The following GDAP1 variants were observed in gnomAD, a reference collection of about 807,000 sequenced individuals.
The protein encoded by GDAP1 is ganglioside-induced differentiation-associated protein 1.
Under a neutral mutation model 40.1 loss-of-function variants are expected in GDAP1, and 34 were observed. The observed-to-expected ratio is 0.85, with a 90% CI of 0.64 to 1.13. The LOEUF is 1.13. GDAP1 is among the 50% of genes most tolerant of loss of function. The pLI is 0.00. For missense variants in GDAP1, 374 were observed against 433.7 expected, an observed-to-expected ratio of 0.86 and a Z score of 1.22; for synonymous variants, 170 against 157.4, an observed-to-expected ratio of 1.08 and a Z score of -0.60.
intron 2 of GDAP1, among the ~76,000 whole-genome samples, chr8:74,377,392 A>T (rs951097215): frequency 6.6e-6 from 1 of 152,204 alleles, no homozygotes; most frequent in Admixed American, 6.5e-5. Flanking sequence ...GCTTGAATAG[A>T]TGCTTCACAA....
intron 2 of GDAP1, among the ~76,000 whole-genome samples, chr8:74,468,693 G>C (rs1405302400): frequency 6.6e-6 from 1 of 151,978 alleles, no homozygotes; most frequent in Admixed American, 6.6e-5. Flanking sequence ...GTTTGTAATA[G>C]TTTTCTAGTT....
intron 2 of GDAP1, among the ~76,000 whole-genome samples, chr8:74,425,843 A>G (rs1805940946): frequency 6.6e-6 from 1 of 152,292 alleles, no homozygotes; most frequent in South Asian, 2.1e-4. Flanking sequence ...ACCTTGGTAT[A>G]TATATCCTCC....
rs180693551 is a variant in GDAP1 at position 74,442,901 on chromosome 8, T to A, written c.166-45777T>A. Among the ~76,000 whole-genome samples, 200 of 152,352 alleles carry A rather than the reference T, an allele frequency of 1.3e-3. 1 individual carries two copies. In the Middle Eastern group the frequency reaches 0.014, roughly 10 times the overall value. ...AAATAACAGGCAGTCATAAAAATTC[T>A]AGGATTTCATTCATTCATTCATTCT... On this transcript the variant is annotated intron_variant, in intron 2 of 2. Coordinates refer to the GDAP1 transcript ENST00000523640.
chr8:74,409,874 C>T (rs1377449479), intron 2 of GDAP1, among the ~76,000 whole-genome samples: 1 of 149,852 alleles, frequency 6.7e-6, no homozygotes, highest in Non-Finnish European at 1.5e-5. Flanking sequence ...TATATAGACC[C>T]CAAATTTTAG....
chr8:74,353,443 C>CT (rs1404329152), intron 2 of GDAP1, among the ~76,000 whole-genome samples: 3 of 152,084 alleles, frequency 2.0e-5, no homozygotes, highest in Non-Finnish European at 4.4e-5. Context: ...TAAATCAAGG[C>CT]TAAGTTATAT....
chr8:74,456,919 T>A (rs748185677), intron 2 of GDAP1, among the ~76,000 whole-genome samples: 8 of 152,032 alleles, frequency 5.3e-5, no homozygotes, highest in Non-Finnish European at 8.8e-5. Context: ...AATTTGTGGC[T>A]TTTTTCCATT....
rs1392900006 is a variant in GDAP1 at position 74,373,171 on chromosome 8, A to G, written c.165+21850A>G. 2.0e-5 allele frequency among the ~76,000 whole-genome samples: 3 copies of G among 152,246 alleles called. No homozygotes were observed. In the East Asian group the frequency reaches 5.8e-4, roughly 29 times the overall value. ...TTTGGTTACTGTAGCCTTGTAGTAT[A>G]GTTTGAAGTCAGGTAGCATGATGCC... On this transcript the variant is annotated intron_variant, in intron 2 of 2. Coordinates refer to the GDAP1 transcript ENST00000523640.
chr8:74,416,406 G>T (rs13279938), intron 2 of GDAP1, among the ~76,000 whole-genome samples: 2 of 150,026 alleles, frequency 1.3e-5, no homozygotes, highest in Admixed American at 6.6e-5. Context: ...TACAACATCT[G>T]CAAGCAGAAT....
intron 2 of GDAP1, among the ~76,000 whole-genome samples, chr8:74,466,352 T>C (rs751582515): frequency 2.0e-5 from 3 of 152,164 alleles, no homozygotes; most frequent in Non-Finnish European, 2.9e-5. Flanking sequence ...TGATCTGATT[T>C]GAGTTAGATT....
intron 2 of GDAP1, among the ~76,000 whole-genome samples, chr8:74,449,564 A>G (rs1468517784): frequency 6.6e-6 from 1 of 151,796 alleles, no homozygotes; most frequent in Non-Finnish European, 1.5e-5. Flanking sequence ...ATTCCCAAGT[A>G]TTTTATGTTT....
chr8:74,431,716 C>T (rs6472853), intron 2 of GDAP1, among the ~76,000 whole-genome samples: 151,549 of 151,804 alleles, frequency 1, 75,648 homozygotes, highest in Middle Eastern at 1. Context: ...CTCCTGACCT[C>T]GTGATCTGCC....
Position 74,451,765 on chromosome 8 carries a change from T to C in GDAP1, c.166-36913T>C, listed in dbSNP as rs1806297345. Among the ~76,000 whole-genome samples, 4 of 80,286 alleles carry C rather than the reference T, an allele frequency of 5.0e-5. 2 individuals carry two copies. The Admixed American group carries it at 5.1e-4, about 10-fold the overall frequency. 52.7% of individuals were successfully genotyped at this position (80,286 alleles called of 152,430 possible). ...GAAAAAGATAGATTTTTTTTTTTCT[T>C]CTGGCCTCCATTGTTCTGGATAATA... On this transcript the variant is annotated intron_variant, in intron 2 of 2. Transcript: ENST00000523640.
intron 2 of GDAP1, among the ~76,000 whole-genome samples, chr8:74,481,077 C>A (rs973909048): frequency 6.6e-6 from 1 of 151,908 alleles, no homozygotes; most frequent in Non-Finnish European, 1.5e-5. Context: ...TATAATAATC[C>A]ATTTAGGGAG....
intron 2 of GDAP1, among the ~76,000 whole-genome samples, chr8:74,405,318 G>A (rs1001704856): frequency 1.3e-5 from 2 of 150,224 alleles, no homozygotes; most frequent in South Asian, 2.1e-4. Context: ...ACAATTCAAG[G>A]TGAGATTTGG....
chr8:74,398,473 A>T (rs1000136313), intron 2 of GDAP1, among the ~76,000 whole-genome samples: 6 of 152,218 alleles, frequency 3.9e-5, no homozygotes, highest in African/African-American at 7.2e-5. Flanking sequence ...TTTTCTAGAT[A>T]TACAATCATG....
At chr8:74,392,731 G>T (rs1810131981) in intron 2 of GDAP1, among the ~76,000 whole-genome samples, 1 of 152,188 alleles carries the variant, frequency 6.6e-6, no homozygotes, top group Non-Finnish European at 1.5e-5. Flanking sequence ...AGAGCAGAGT[G>T]ATTTATGCCA....
chr8:74,378,313 C>T (rs73347251), intron 2 of GDAP1, among the ~76,000 whole-genome samples: 73 of 152,292 alleles, frequency 4.8e-4, no homozygotes, highest in African/African-American at 1.7e-3. Flanking sequence ...AGATGGAGAG[C>T]ATCCAAAATG....
chr8:74,414,673 C>G (rs751208169), intron 2 of GDAP1, among the ~76,000 whole-genome samples: 3 of 149,186 alleles, frequency 2.0e-5, no homozygotes, highest in Non-Finnish European at 4.4e-5. Flanking sequence ...AAGAACAGAG[C>G]CTCAGGTACT....
In GDAP1 at chr8:74,351,461, T is replaced by C; in HGVS notation, c.305T>C (p.Leu102Pro). The C allele has an allele frequency of 1.2e-6, 2 of 1,609,550 alleles. No homozygotes were observed. Among genetic ancestry groups the C allele is most frequent in the Non-Finnish European group, 1.7e-6 (2 of 1,175,800 alleles). The change falls in exon 2 of 6, where the codon CTG becomes CCG. Residue 102 changes from leucine to proline, a missense_variant. Leu to Pro is a moderately conservative substitution (Grantham distance 98). Transcript: ENST00000220822. Reference protein sequence around the residue: ...QIIDYLEQTFLDERTPRLMPD... With the variant: ...QIIDYLEQTFPDERTPRLMPD... ...ATTGATTATCTTGAACAGACTTTCC[T>C]GGATGGTAATGTTAAGGCTACTTGC...
Sources: allele counts gnomAD v4.1 joint callset (sites outside exome capture counted in the v4.1 genomes callset), GRCh38; gene constraint gnomAD v4.1.1; transcripts MANE v1.5; gene names NCBI Gene and HGNC (gene_info 2026-07-23, HGNC 2026-07-21).